Variants in TENM4 observed in about 807,000 individuals in gnomAD.
TENM4 encodes the protein teneurin-4.
In TENM4, 82 loss-of-function variants were observed where a neutral mutation model predicts 243.3. The ratio of observed to expected loss-of-function variants is 0.34; its 90% confidence interval spans 0.28 to 0.40. TENM4 has a LOEUF of 0.40. Among genes scored for constraint, TENM4 ranks in the 10% least tolerant of loss-of-function variants. The probability of loss-of-function intolerance (pLI) is 1.00; values close to 1 mark genes in which losing one functional copy is unlikely to be tolerated. For missense variants in TENM4, 3,138 were observed against 3,673.3 expected (o/e 0.85, Z 3.77); for synonymous variants, 1,412 against 1,456.3 (o/e 0.97, Z 0.69).
chr11:79,377,140 G>A (rs998813303), intron 1 of TENM4, among the ~76,000 whole-genome samples: 18 of 152,320 alleles, frequency 1.2e-4, no homozygotes, highest in Non-Finnish European at 2.9e-5. Context: ...CACAAGCCAA[G>A]GAATGCTGTC....
intron 12 of TENM4, among the ~76,000 whole-genome samples, chr11:78,845,414 A>C (rs1232381552): frequency 6.6e-6 from 1 of 152,208 alleles, no homozygotes; most frequent in Non-Finnish European, 1.5e-5. Flanking sequence ...GCTCATAACT[A>C]ATACAGCCCG....
chr11:79,205,899 A>T (rs993196579), intron 3 of TENM4, among the ~76,000 whole-genome samples: 1 of 152,262 alleles, frequency 6.6e-6, no homozygotes, highest in African/African-American at 2.4e-5. Flanking sequence ...AACCAACTCC[A>T]TGCAGCCACC....
intron 6 of TENM4, among the ~76,000 whole-genome samples, chr11:78,988,483 T>A (rs1857969324): frequency 1.3e-5 from 2 of 152,222 alleles, no homozygotes; most frequent in Admixed American, 1.3e-4. Context: ...AACTAATGCA[T>A]AAGGCCTATT....
At chr11:78,740,865 A>G (rs75761876) in intron 19 of TENM4, among the ~76,000 whole-genome samples, 2,441 of 152,292 alleles carry the variant, frequency 0.016, 78 homozygotes, top group African/African-American at 0.057. Flanking sequence ...GAAACATTGA[A>G]TCGGCACCAT....
chr11:79,183,777 GAAATA>G (rs1863331851), intron 3 of TENM4, among the ~76,000 whole-genome samples: 1 of 152,250 alleles, frequency 6.6e-6, no homozygotes, highest in East Asian at 1.9e-4. Flanking sequence ...CAAAAGGAGA[GAAATA>G]AAATGAATGA....
At chr11:79,059,763 G>T (rs1317982032) in intron 6 of TENM4, among the ~76,000 whole-genome samples, 1 of 152,126 alleles carries the variant, frequency 6.6e-6, no homozygotes, top group African/African-American at 2.4e-5. Context: ...CCTCTTCTTA[G>T]TTCCTGCTAA....
At chr11:79,159,324 T>G (rs942846561) in intron 3 of TENM4, among the ~76,000 whole-genome samples, 1 of 152,236 alleles carries the variant, frequency 6.6e-6, no homozygotes, top group Non-Finnish European at 1.5e-5. Flanking sequence ...ACAGTTGGCA[T>G]GTAGTATCTG....
intron 3 of TENM4, among the ~76,000 whole-genome samples, chr11:79,180,383 A>G (rs1007627519): frequency 6.6e-6 from 1 of 151,664 alleles, no homozygotes; most frequent in African/African-American, 2.4e-5. Flanking sequence ...CGATCTATAG[A>G]TTCCAAAGGT....
chr11:79,345,065 G>C (rs1857304229), intron 1 of TENM4, among the ~76,000 whole-genome samples: 1 of 152,126 alleles, frequency 6.6e-6, no homozygotes, highest in African/African-American at 2.4e-5. Flanking sequence ...TGTTCTAACT[G>C]CAGCTCACTT....
At chr11:78,873,854 GC>G (rs1591088946) in intron 9 of TENM4, among the ~76,000 whole-genome samples, 1 of 151,998 alleles carries the variant, frequency 6.6e-6, no homozygotes, top group African/African-American at 2.4e-5. Flanking sequence ...TGTCTCTTGA[GC>G]CTGCCTGGCC....
intron 6 of TENM4, 156 bp downstream of exon 6, chr11:79,064,582 G>T: frequency 1.0e-6 from 1 of 994,442 alleles, no homozygotes; most frequent in Non-Finnish European, 1.5e-6. Context: ...CATTTCACGT[G>T]ACTCTCCAAG....
At chr11:79,197,169 C>T (rs756424048) in intron 3 of TENM4, among the ~76,000 whole-genome samples, 1 of 152,172 alleles carries the variant, frequency 6.6e-6, no homozygotes, top group East Asian at 1.9e-4. Context: ...TGACTCACCA[C>T]AGGTTACTGA....
intron 12 of TENM4, among the ~76,000 whole-genome samples, chr11:78,842,856 A>C (rs973973434): frequency 6.6e-6 from 1 of 152,258 alleles, no homozygotes; most frequent in Non-Finnish European, 1.5e-5. Flanking sequence ...TATTTGCTTC[A>C]TATGCCTATT....
At position 79,356,204 on chromosome 11, in the gene TENM4, T is replaced by A. The variant is rs559060742; in HGVS notation, c.-320-58661A>T. ...ACCTAGAACTTCTCTCCCTTCTATATTTAAACCTCTTCTGCAAGAGTGTGG... is the reference window on the plus strand; with the variant it reads ...ACCTAGAACTTCTCTCCCTTCTATAATTAAACCTCTTCTGCAAGAGTGTGG... On this transcript the variant is annotated intron_variant, in intron 1 of 33. Transcript: ENST00000278550. Among the ~76,000 whole-genome samples, 12 of 152,300 alleles carry A rather than the reference T, an allele frequency of 7.9e-5. No individual in the cohort carries two copies. The South Asian group carries it at 2.5e-3, about 32-fold the overall frequency.
intron 12 of TENM4, among the ~76,000 whole-genome samples, chr11:78,852,148 C>A (rs567720725): frequency 6.6e-6 from 1 of 152,190 alleles, no homozygotes; most frequent in Non-Finnish European, 1.5e-5. Context: ...CGGAGTCCAG[C>A]GGCTCAGACA....
intron 16 of TENM4, among the ~76,000 whole-genome samples, chr11:78,780,144 T>C (rs1591017933): frequency 1.3e-5 from 2 of 152,174 alleles, no homozygotes; most frequent in African/African-American, 4.8e-5. Context: ...ACTTATTAAG[T>C]AGGGGTGAGT....
rs562176988 is a variant in TENM4 at position 78,670,435 on chromosome 11, G to A, written c.5910C>T (p.Arg1970=). 5.6e-6 allele frequency: 9 copies of A among 1,614,050 alleles called. No homozygotes were observed. Among genetic ancestry groups the A allele is most frequent in the Middle Eastern group, 1.6e-4 (1 of 6,062 alleles). Residue 1970 remains arginine (R), a synonymous_variant, in exon 32 of 34, where the codon CGC becomes CGT. Transcript: ENST00000278550. ...NVARQTLETI[R]SVGYYRNIYQ... is the part of the protein sequence containing the mutation. Reference sequence around the variant, plus strand: ...AGATGTTTCTGTAGTAGCCCACTGAGCGGATGGTCTCTAGTGTCTGCCGCG... The same window carrying A: ...AGATGTTTCTGTAGTAGCCCACTGAACGGATGGTCTCTAGTGTCTGCCGCG...
At position 78,657,915 on chromosome 11, in the gene TENM4, G is replaced by A. The variant is rs912848263; in HGVS notation, c.*143C>T. ...CTGTGTTTTTCTTTTCTAAAAAAAA[G>A]GATGTTGCATGAGTTACAATGCAAC... is the stretch of plus-strand genomic sequence containing the variant. On this transcript the variant is annotated 3_prime_UTR_variant, in exon 34 of 34. Coordinates refer to ENST00000278550, the MANE Select transcript of TENM4 (RefSeq NM_001098816.3). 2.3e-6 allele frequency: 3 copies of A among 1,295,486 alleles called. No individual in the cohort carries two copies. Among genetic ancestry groups the A allele is most frequent in the Non-Finnish European group, 3.3e-6 (3 of 908,114 alleles). The allele number at this position is 1,295,486 out of a possible 1,614,324, so 80.2% of individuals were successfully genotyped here. A position where few individuals can be genotyped will look rare whatever the true frequency, so the allele number is the denominator to read the frequency against.
At chr11:79,368,155 A>C (rs1312365147) in intron 1 of TENM4, among the ~76,000 whole-genome samples, 5 of 152,170 alleles carry the variant, frequency 3.3e-5, no homozygotes, top group African/African-American at 1.2e-4. Flanking sequence ...CAGTCTCATC[A>C]CTGTGCTCAT....
Sources: gnomAD v4.1 joint callset for allele counts (sites outside exome capture counted in the v4.1 genomes callset) on GRCh38, gnomAD v4.1.1 for gene constraint, MANE v1.5 for transcripts, NCBI Gene and HGNC (gene_info 2026-07-23, HGNC 2026-07-21) for gene names.